THAP5: variants seen among roughly 807,000 people sequenced by gnomAD.
THAP5 encodes the protein THAP domain containing 5, also known as THAP domain-containing protein 5.
Under a neutral mutation model 34.0 loss-of-function variants are expected in THAP5, and 26 were observed. The observed-to-expected ratio is 0.77, with a 90% CI of 0.56 to 1.06. The LOEUF is 1.06. Among genes scored for constraint, THAP5 ranks in the 50% least tolerant of loss-of-function variants. THAP5 has a pLI of 0.00. For missense variants in THAP5, 394 were observed against 452.8 expected (o/e 0.87, Z 1.18); for synonymous variants, 125 against 153.0 (o/e 0.82, Z 1.35).
Position 108,563,013 on chromosome 7 carries a change from C to G in THAP5, c.*1178G>C, listed in dbSNP as rs1412218729. On this transcript the variant is annotated 3_prime_UTR_variant, in exon 3 of 3. Coordinates refer to ENST00000415914, the MANE Select transcript of THAP5 (RefSeq NM_001130475.3). The stretch of plus-strand genomic sequence containing the variant: ...TTTAAAGGCCACACCTACTAAGAAA[C>G]AGATACAAACTGTAATTTCTAAAAT... 1 of 77,106 alleles carries G rather than the reference C, an allele frequency of 1.3e-5. No individual in the cohort carries two copies. Among genetic ancestry groups the G allele is most frequent in the Non-Finnish European group, 3.4e-5 (1 of 29,848 alleles). 4.8% of individuals were successfully genotyped at this position (77,106 alleles called of 1,614,324 possible).
At chr7:108,547,893 A>G in the THAP5 span, among the ~76,000 whole-genome samples, 1 of 152,216 alleles carries the variant, frequency 6.6e-6, no homozygotes, top group Non-Finnish European at 1.5e-5. Flanking sequence ...TGCCCTGAGC[A>G]GTGGTGTTTA....
At position 108,564,566 on chromosome 7, in the gene THAP5, A is replaced by G. The variant is rs759204359; in HGVS notation, c.813T>C (p.Val271=). The change falls in exon 3 of 3, where the codon GTT becomes GTC. Residue 271 remains valine, a synonymous_variant. Coordinates refer to ENST00000415914, the MANE Select transcript of THAP5 (RefSeq NM_001130475.3). Reference sequence around the variant, plus strand: ...TTTCAGCAGGTACAAAAATGGCAATAACAGATTCTTTATTTGTGTTTAATT... The same window carrying G: ...TTTCAGCAGGTACAAAAATGGCAATGACAGATTCTTTATTTGTGTTTAATT... The part of the protein sequence containing the change: ...VEELNTNKES[V]IAIFVPAENS... 6.2e-6 allele frequency: 10 copies of G among 1,613,870 alleles called. No homozygotes were observed. In the East Asian group the frequency reaches 2.2e-4, roughly 36 times the overall value.
chr7:108,543,508 T>C, the THAP5 span, among the ~76,000 whole-genome samples: 1 of 152,160 alleles, frequency 6.6e-6, no homozygotes, highest in African/African-American at 2.4e-5. Context: ...AAGTTGATGG[T>C]GATCATCTGC....
At chr7:108,560,430 T>G (rs540538803), downstream of THAP5, among the ~76,000 whole-genome samples, 1 of 152,332 alleles carries the variant, frequency 6.6e-6, no homozygotes, top group East Asian at 1.9e-4. Flanking sequence ...AACTGCAGCC[T>G]ATAAGACAGG....
chr7:108,549,278 C>T, the THAP5 span, among the ~76,000 whole-genome samples: 96 of 152,094 alleles, frequency 6.3e-4, no homozygotes, highest in East Asian at 9.5e-3. Context: ...CACACCACCA[C>T]GCCCAGCTAA....
Position 108,564,539 on chromosome 7 carries a change from A to C in THAP5, c.840T>G (p.Asn280Lys). The change falls in exon 3 of 3, where the codon AAT (asparagine) becomes AAG (lysine). Residue 280 changes from asparagine (N) to lysine (K), a missense_variant. Asn to Lys is a moderately conservative substitution (Grantham distance 94, BLOSUM62 0). Coordinates refer to ENST00000415914, the MANE Select transcript of THAP5 (RefSeq NM_001130475.3). The stretch of plus-strand genomic sequence containing the variant: ...TAAAAGAATTAACTGAGGGTTTAGA[A>C]TTTTCAGCAGGTACAAAAATGGCAA... Reference protein sequence around the residue: ...SVIAIFVPAENSKPSVNSFIS... With the variant: ...SVIAIFVPAEKSKPSVNSFIS... 6.2e-7 allele frequency: 1 copy of C among 1,613,816 alleles called. No individual in the cohort carries two copies. Among genetic ancestry groups the C allele is most frequent in the East Asian group, 2.2e-5 (1 of 44,816 alleles).
Position 108,563,034 on chromosome 7 carries a change from A to G in THAP5, c.*1157T>C, listed in dbSNP as rs1790391419. 6.6e-6 allele frequency: 1 copy of G among 152,230 alleles called. No homozygotes were observed. Among genetic ancestry groups the G allele is most frequent in the African/African-American group, 2.4e-5 (1 of 41,466 alleles). 9.4% of individuals were successfully genotyped at this position (152,230 alleles called of 1,614,324 possible). On this transcript the variant is annotated 3_prime_UTR_variant, in exon 3 of 3. Coordinates refer to ENST00000415914, the MANE Select transcript of THAP5 (RefSeq NM_001130475.3). ...GAAACAGATACAAACTGTAATTTCT[A>G]AAATATATTTAAAATTAACCTCATT...
chr7:108,555,368 G>A (rs893346436), intron 1 of THAP5, among the ~76,000 whole-genome samples: 2 of 151,926 alleles, frequency 1.3e-5, no homozygotes, highest in Admixed American at 1.3e-4. Flanking sequence ...GGGTTTCACT[G>A]TGTTGGCCAG....
In THAP5 at chr7:108,562,673, T is replaced by C. The variant is rs1790376183; in HGVS notation, c.*1518A>G. ...AAACTAAGAATCAGACTGATACAAC[T>C]TCCTCAACATCATAGGCAGAAACAT... On this transcript the variant is annotated 3_prime_UTR_variant, in exon 3 of 3. Transcript: ENST00000415914. The C allele has an allele frequency of 6.6e-6, 1 of 152,218 alleles. No individual in the cohort carries two copies. The highest frequency in any genetic ancestry group is 2.4e-5 in the African/African-American group (1 of 41,452). The allele number at this position is 152,218 out of a possible 1,614,324, so 9.4% of individuals were successfully genotyped here. A position where few individuals can be genotyped will look rare whatever the true frequency, so the allele number is the denominator to read the frequency against.
At chr7:108,556,061 A>C (rs1171170770) in intron 1 of THAP5, among the ~76,000 whole-genome samples, 4 of 152,118 alleles carry the variant, frequency 2.6e-5, no homozygotes, top group Non-Finnish European at 4.4e-5. Flanking sequence ...ACACACTTTA[A>C]ACAACCAGAT....
In THAP5 at chr7:108,564,112, G is replaced by T. The variant is rs1227390037; in HGVS notation, c.*79C>A. 13 of 1,168,392 alleles carry T rather than the reference G, an allele frequency of 1.1e-5. No individual in the cohort carries two copies. Among genetic ancestry groups the T allele is most frequent in the Non-Finnish European group, 1.4e-5 (12 of 831,948 alleles). The allele number at this position is 1,168,392 out of a possible 1,614,324, so 72.4% of individuals were successfully genotyped here. The stretch of plus-strand genomic sequence containing the variant: ...TCATTAAGATGAGAACTTTATACAG[G>T]AAACAGTTCACTTTACATGTAGTTT... On this transcript the variant is annotated 3_prime_UTR_variant, in exon 3 of 3. Coordinates refer to ENST00000415914, the MANE Select transcript of THAP5 (RefSeq NM_001130475.3).
the THAP5 span, among the ~76,000 whole-genome samples, chr7:108,543,413 G>T: frequency 1.5e-3 from 223 of 152,268 alleles, no homozygotes; most frequent in African/African-American, 5.2e-3. Context: ...AGTCACTAAG[G>T]CCAGTCCGGA....
the THAP5 span, among the ~76,000 whole-genome samples, chr7:108,543,128 C>T: frequency 1.4e-4 from 21 of 151,794 alleles, no homozygotes; most frequent in African/African-American, 4.8e-4. Context: ...TGAGTTTCAC[C>T]GTATTAGCCA....
rs1790356638 is a variant in THAP5 at position 108,562,378 on chromosome 7, T to C, written c.*1813A>G. 6.6e-6 allele frequency: 1 copy of C among 152,172 alleles called. No homozygotes were observed. Among genetic ancestry groups the C allele is most frequent in the Non-Finnish European group, 1.5e-5 (1 of 68,020 alleles). 9.4% of individuals were successfully genotyped at this position (152,172 alleles called of 1,614,324 possible). On this transcript the variant is annotated 3_prime_UTR_variant, in exon 3 of 3. Coordinates refer to ENST00000415914, the MANE Select transcript of THAP5 (RefSeq NM_001130475.3). ...AATTTATGCAAAAATTTTAAGTTTTTCCCCCATCGTCACCTAAGACATTTC... is the reference window on the plus strand; with the variant it reads ...AATTTATGCAAAAATTTTAAGTTTTCCCCCCATCGTCACCTAAGACATTTC...
At chr7:108,568,722 T>C (rs1218397122) in intron 1 of THAP5, 2 of 153,252 alleles carry the variant, frequency 1.3e-5, no homozygotes, top group South Asian at 2.1e-4. Context: ...GTGAGTACTA[T>C]TAACATCTCC....
rs950345218 is a variant in THAP5 at position 108,562,959 on chromosome 7, C to G, written c.*1232G>C. 1.3e-5 allele frequency: 2 copies of G among 152,034 alleles called. No individual in the cohort carries two copies. The highest frequency in any genetic ancestry group is 4.8e-5 in the African/African-American group (2 of 41,390). The allele number at this position is 152,034 out of a possible 1,614,324, so 9.4% of individuals were successfully genotyped here. ...CAGTATTAAGTATTACTCTATTATT[C>G]TGGAATTTAACAATGAATAAGCACA... On this transcript the variant is annotated 3_prime_UTR_variant, in exon 3 of 3. Transcript: ENST00000415914.
the THAP5 span, among the ~76,000 whole-genome samples, chr7:108,545,097 G>T: frequency 6.6e-6 from 1 of 152,254 alleles, no homozygotes; most frequent in Non-Finnish European, 1.5e-5. Context: ...GATATAGATT[G>T]CTATAGTTTG....
downstream of THAP5, among the ~76,000 whole-genome samples, chr7:108,557,761 G>A (rs994430924): frequency 3.9e-5 from 6 of 152,092 alleles, no homozygotes; most frequent in African/African-American, 7.2e-5. Flanking sequence ...CTCCTTACCC[G>A]GTTCCAAAAC....
Position 108,562,878 on chromosome 7 carries a change from TTATG to T in THAP5, c.*1309_*1312del, listed in dbSNP as rs1266729332. ...TTTGTCTCCCTAAGATCATGACCAC[TTATG>T]TATAATTTCTTGCTTATAAATTTTA... On this transcript the variant is annotated 3_prime_UTR_variant, in exon 3 of 3. Coordinates refer to ENST00000415914, the MANE Select transcript of THAP5 (RefSeq NM_001130475.3). The T allele has an allele frequency of 6.6e-6, 1 of 152,214 alleles. No homozygotes were observed. Among genetic ancestry groups the T allele is most frequent in the African/African-American group, 2.4e-5 (1 of 41,448 alleles). The allele number at this position is 152,214 out of a possible 1,614,324, so 9.4% of individuals were successfully genotyped here. A position where few individuals can be genotyped will look rare whatever the true frequency, so the allele number is the denominator to read the frequency against.
Sources: allele counts gnomAD v4.1 joint callset (sites outside exome capture counted in the v4.1 genomes callset), GRCh38; gene constraint gnomAD v4.1.1; transcripts MANE v1.5; gene names NCBI Gene and HGNC (gene_info 2026-07-23, HGNC 2026-07-21).